The following PRIM2 variants were observed in gnomAD, a reference collection of about 807,000 sequenced individuals.
The protein encoded by PRIM2 is DNA primase large subunit.
Under a neutral mutation model 67.3 loss-of-function variants are expected in PRIM2, and 39 were observed. That is an observed-to-expected ratio of 0.58 (90% CI 0.45 to 0.76). The LOEUF is 0.76. Ranked by LOEUF, PRIM2 falls within the 30% of genes least tolerant of loss-of-function variation. The probability of loss-of-function intolerance (pLI) is 0.00; values close to 1 mark genes in which losing one functional copy is unlikely to be tolerated. For synonymous variants in PRIM2, 143 were observed against 198.7 expected (o/e 0.72, Z 2.36); for missense variants, 398 against 598.7 (o/e 0.66, Z 3.50).
At chr6:57,425,055 CTG>C (rs1275037916) in intron 7 of PRIM2, among the ~76,000 whole-genome samples, 6 of 152,056 alleles carry the variant, frequency 3.9e-5, no homozygotes. Flanking sequence ...AAATAGATAA[CTG>C]TGAAATATTA....
chr6:57,329,693 G>A (rs1483330268), intron 5 of PRIM2, among the ~76,000 whole-genome samples: 1 of 152,100 alleles, frequency 6.6e-6, no homozygotes, highest in African/African-American at 2.4e-5. Context: ...ATGATTGTAA[G>A]TTTCCTGAGG....
intron 10 of PRIM2, among the ~76,000 whole-genome samples, chr6:57,593,909 A>G (rs2127489333): frequency 6.6e-6 from 1 of 152,344 alleles, no homozygotes; most frequent in Non-Finnish European, 1.5e-5. Context: ...TAATACTTTT[A>G]GCTTTTCTCT....
intron 13 of PRIM2, among the ~76,000 whole-genome samples, chr6:57,645,321 T>A (rs1339252518): frequency 3.0e-5 from 4 of 132,774 alleles, no homozygotes; most frequent in East Asian, 2.2e-4. Flanking sequence ...ACAATGTCAT[T>A]CACACACACA....
intron 11 of PRIM2, among the ~76,000 whole-genome samples, chr6:57,604,878 G>A (rs1776531409): frequency 3.3e-5 from 5 of 152,062 alleles, no homozygotes; most frequent in Non-Finnish European, 1.5e-5. Context: ...TTTTAGTAGA[G>A]ACAGGGTTTC....
intron 5 of PRIM2, among the ~76,000 whole-genome samples, chr6:57,356,581 A>G (rs1362567595): frequency 1.3e-5 from 2 of 152,250 alleles, no homozygotes; most frequent in Non-Finnish European, 2.9e-5. Flanking sequence ...ATGAATAAGC[A>G]CAGATTTGAG....
At chr6:57,330,355 T>TC (rs1360560909) in intron 5 of PRIM2, among the ~76,000 whole-genome samples, 1 of 117,184 alleles carries the variant, frequency 8.5e-6, no homozygotes, top group Admixed American at 8.8e-5. Context: ...CTTGTTTTTT[T>TC]TTTTTGTTTT....
At chr6:57,311,513 C>T (rs957327912), upstream of PRIM2, among the ~76,000 whole-genome samples, 1 of 152,014 alleles carries the variant, frequency 6.6e-6, no homozygotes, top group Non-Finnish European at 1.5e-5. Context: ...AGACAATGGG[C>T]GGCCAGGCAG....
chr6:57,329,784 G>T (rs1767993127), intron 5 of PRIM2, among the ~76,000 whole-genome samples: 1 of 152,116 alleles, frequency 6.6e-6, no homozygotes, highest in Non-Finnish European at 1.5e-5. Flanking sequence ...CTTTACAGCA[G>T]CGTGAGAACA....
At chr6:57,610,319 C>T (rs1245172399) in intron 12 of PRIM2, among the ~76,000 whole-genome samples, 4 of 152,158 alleles carry the variant, frequency 2.6e-5, no homozygotes, top group South Asian at 2.1e-4. Context: ...AGGCCTGCCT[C>T]GGCCTCCCAC....
chr6:57,354,801 C>T (rs1364489958), intron 5 of PRIM2, among the ~76,000 whole-genome samples: 5 of 152,210 alleles, frequency 3.3e-5, no homozygotes, highest in Non-Finnish European at 5.9e-5. Context: ...TATTCAATGT[C>T]ATTATGAATT....
intron 7 of PRIM2, among the ~76,000 whole-genome samples, chr6:57,481,614 C>T (rs1359733705): frequency 4.0e-5 from 6 of 151,490 alleles, no homozygotes; most frequent in East Asian, 1.9e-4. Context: ...TTGTGACAAA[C>T]GCCCAAGAGT....
In PRIM2 at chr6:57,318,485, G is replaced by C; in HGVS notation, c.40G>C (p.Ala14Pro). ...AAGAAAGTGGAGGAAGCTGAGGTTG[G>C]CAGGTGACCAGAGGAATGCTTCCTA... ...SGRKWRKLRL[A>P]GDQRNASYPH... Residue 14 changes from alanine (A) to proline (P), a missense_variant, in exon 2 of 14, where the codon GCA (alanine) becomes CCA (proline). By Grantham distance (27) the Ala-to-Pro change is conservative. This residue lies in a region of PRIM2 where 96 missense variants were observed against 98.3 expected (regional missense o/e 0.98). Transcript: ENST00000615550. 5.0e-6 allele frequency: 8 copies of C among 1,610,892 alleles called. No homozygotes were observed. Among genetic ancestry groups the C allele is most frequent in the Non-Finnish European group, 6.8e-6 (8 of 1,178,498 alleles).
intron 7 of PRIM2, among the ~76,000 whole-genome samples, chr6:57,467,848 C>T (rs1773243029): frequency 1.3e-5 from 2 of 152,186 alleles, no homozygotes; most frequent in East Asian, 1.9e-4. Context: ...CTTCACATTC[C>T]CTTGGAAGTT....
At chr6:57,522,803 A>G (rs1169693827) in intron 8 of PRIM2, among the ~76,000 whole-genome samples, 3 of 152,244 alleles carry the variant, frequency 2.0e-5, no homozygotes, top group East Asian at 1.9e-4. Flanking sequence ...CAATGGTCAC[A>G]TTTGGCTAAT....
chr6:57,268,722 T>G, the PRIM2 span, among the ~76,000 whole-genome samples: 1 of 151,672 alleles, frequency 6.6e-6, no homozygotes, highest in South Asian at 2.1e-4. Context: ...CATGTTGGTG[T>G]GCTGCACCCA....
chr6:57,366,192 G>C (rs1024785199), intron 5 of PRIM2, among the ~76,000 whole-genome samples: 1 of 152,254 alleles, frequency 6.6e-6, no homozygotes, highest in East Asian at 1.9e-4. Flanking sequence ...ATAGAAATTT[G>C]CCAGTAGAAA....
chr6:57,289,140 G>A, the PRIM2 span, among the ~76,000 whole-genome samples: 2 of 152,178 alleles, frequency 1.3e-5, no homozygotes, highest in African/African-American at 2.4e-5. Flanking sequence ...ACCACAGCAC[G>A]AGAACTTTGT....
Position 57,537,589 on chromosome 6 carries a change from G to A in PRIM2, c.984G>A (p.Lys328=). 1.3e-6 allele frequency: 2 copies of A among 1,560,660 alleles called. No homozygotes were observed. Among genetic ancestry groups the A allele is most frequent in the Non-Finnish European group, 1.7e-6 (2 of 1,152,088 alleles). ...TGGAACAGGCATTGCAGTTCTGGAAGCAAGAATTTATCAAAGGAAAGATGG... is the reference window on the plus strand; with the variant it reads ...TGGAACAGGCATTGCAGTTCTGGAAACAAGAATTTATCAAAGGAAAGATGG... ...LTLEQALQFW[K]QEFIKGKMDP... The change falls in exon 10 of 14, where the codon AAG becomes AAA. Residue 328 remains lysine, a synonymous_variant. Coordinates refer to ENST00000615550, the MANE Select transcript of PRIM2 (RefSeq NM_000947.5).
At chr6:57,413,053 G>A (rs1771144239) in intron 7 of PRIM2, among the ~76,000 whole-genome samples, 1 of 151,860 alleles carries the variant, frequency 6.6e-6, no homozygotes, top group Non-Finnish European at 1.5e-5. Flanking sequence ...AAAGTTTCTG[G>A]GGAGTAGCTA....
Sources: allele counts gnomAD v4.1 joint callset (sites outside exome capture counted in the v4.1 genomes callset), GRCh38; gene constraint gnomAD v4.1.1; regional missense constraint gnomAD v4.1.1; transcripts MANE v1.5; gene names NCBI Gene and HGNC (gene_info 2026-07-23, HGNC 2026-07-21).